IMMP2L: variants seen among roughly 807,000 people sequenced by gnomAD.
The protein encoded by IMMP2L is inner mitochondrial membrane peptidase subunit 2.
In IMMP2L, 18 loss-of-function variants were observed where a neutral mutation model predicts 19.3. The observed-to-expected ratio is 0.93, with a 90% CI of 0.64 to 1.38. The LOEUF (loss-of-function observed/expected upper bound fraction) is 1.38. Among genes scored for constraint, IMMP2L ranks in the 40% most tolerant of loss-of-function variants. IMMP2L has a pLI of 0.00. For missense variants in IMMP2L, 233 were observed against 218.2 expected, an observed-to-expected ratio of 1.07 and a Z score of -0.43; for synonymous variants, 76 against 73.0, an observed-to-expected ratio of 1.04 and a Z score of -0.21.
chr7:111,000,704 C>A (rs755690765), intron 3 of IMMP2L, among the ~76,000 whole-genome samples: 1 of 151,806 alleles, frequency 6.6e-6, no homozygotes, highest in Non-Finnish European at 1.5e-5. Context: ...AGTATTCTGG[C>A]GTGGTGGTGG....
Position 110,963,523 on chromosome 7 carries a change from A to C in IMMP2L, c.282T>G (p.Ile94Met), listed in dbSNP as rs1200493478. 1.9e-6 allele frequency: 3 copies of C among 1,603,688 alleles called. No individual in the cohort carries two copies. Among genetic ancestry groups the C allele is most frequent in the Non-Finnish European group, 2.6e-6 (3 of 1,172,782 alleles). The stretch of plus-strand genomic sequence containing the variant: ...ACCTGACAATATCTCCTTCAAGAGC[A>C]ATCACTCTCTTAATGATCTTCTGTT... ...NPEQKIIKRVIALEGDIVRTI... is the reference protein window; with the variant it reads ...NPEQKIIKRVMALEGDIVRTI... Residue 94 changes from isoleucine (I) to methionine (M), a missense_variant, in exon 4 of 6, where the codon ATT becomes ATG. Coordinates refer to ENST00000405709, the MANE Select transcript of IMMP2L (RefSeq NM_032549.4).
At chr7:110,988,674 C>G (rs974113053) in intron 3 of IMMP2L, among the ~76,000 whole-genome samples, 2 of 151,518 alleles carry the variant, frequency 1.3e-5, no homozygotes, top group Non-Finnish European at 2.9e-5. Flanking sequence ...TTTGCGTGTG[C>G]CATTAAAAAA....
At chr7:111,225,284 A>G (rs1423518200) in intron 3 of IMMP2L, among the ~76,000 whole-genome samples, 1 of 152,140 alleles carries the variant, frequency 6.6e-6, no homozygotes, top group Non-Finnish European at 1.5e-5. Flanking sequence ...TGTGACAGTT[A>G]TAAGAAAGCC....
intron 5 of IMMP2L, among the ~76,000 whole-genome samples, chr7:110,713,102 GGTTCA>G (rs1455958754): frequency 7.9e-5 from 12 of 152,126 alleles, no homozygotes; most frequent in Non-Finnish European, 1.5e-4. Context: ...GAAAGGTAAG[GGTTCA>G]GTTTCTTTCT....
intron 3 of IMMP2L, among the ~76,000 whole-genome samples, chr7:111,068,036 T>C (rs1794655962): frequency 6.6e-6 from 1 of 152,122 alleles, no homozygotes. Flanking sequence ...TGTGAAGCAT[T>C]AAATATAAAA....
chr7:111,109,019 A>C (rs1031856680), intron 3 of IMMP2L, among the ~76,000 whole-genome samples: 5 of 152,232 alleles, frequency 3.3e-5, no homozygotes, highest in Admixed American at 6.5e-5. Flanking sequence ...AGTAAGCAAT[A>C]AACAAAAAGC....
chr7:110,794,505 C>G (rs1800723739), intron 5 of IMMP2L, among the ~76,000 whole-genome samples: 1 of 152,060 alleles, frequency 6.6e-6, no homozygotes, highest in Non-Finnish European at 1.5e-5. Context: ...AAAAATGTAT[C>G]TTCCATTATT....
chr7:111,157,615 A>G (rs1026691747), intron 3 of IMMP2L, among the ~76,000 whole-genome samples: 1 of 152,090 alleles, frequency 6.6e-6, no homozygotes, highest in Admixed American at 6.6e-5. Context: ...TGGTTAATGG[A>G]CACAAAAATA....
chr7:111,475,455 C>A (rs1239157642), intron 3 of IMMP2L, among the ~76,000 whole-genome samples: 1 of 151,846 alleles, frequency 6.6e-6, no homozygotes, highest in Non-Finnish European at 1.5e-5. Context: ...TATCTACTGA[C>A]CTTGGATCAA....
intron 3 of IMMP2L, among the ~76,000 whole-genome samples, chr7:111,411,137 CA>C (rs1182908556): frequency 6.9e-6 from 1 of 144,916 alleles, no homozygotes; most frequent in Non-Finnish European, 1.5e-5. Flanking sequence ...TAAAAGTACC[CA>C]GAAAAAAAGG....
intron 5 of IMMP2L, among the ~76,000 whole-genome samples, chr7:110,807,018 C>T (rs1192411925): frequency 6.6e-6 from 1 of 152,000 alleles, no homozygotes; most frequent in South Asian, 2.1e-4. Flanking sequence ...GGATGTTGGA[C>T]CATAATGACC....
chr7:111,229,272 G>A (rs1813458643), intron 3 of IMMP2L, among the ~76,000 whole-genome samples: 1 of 151,696 alleles, frequency 6.6e-6, no homozygotes, highest in Non-Finnish European at 1.5e-5. Context: ...CCTTTGAAAG[G>A]AAATACCGAG....
chr7:110,944,537 G>C (rs761765110), intron 4 of IMMP2L, among the ~76,000 whole-genome samples: 1 of 151,860 alleles, frequency 6.6e-6, no homozygotes. Context: ...ATGTAGGCAG[G>C]GTCCTGAGGA....
intron 3 of IMMP2L, among the ~76,000 whole-genome samples, chr7:111,093,662 G>T (rs944602826): frequency 6.6e-6 from 1 of 152,102 alleles, no homozygotes; most frequent in Non-Finnish European, 1.5e-5. Context: ...GATCAGTAAT[G>T]TGCCCACTTC....
At chr7:111,511,684 C>A (rs1845460767) in intron 2 of IMMP2L, among the ~76,000 whole-genome samples, 1 of 151,158 alleles carries the variant, frequency 6.6e-6, no homozygotes, top group African/African-American at 2.4e-5. Flanking sequence ...GAAAAGCCTA[C>A]TCTCTCTAGC....
At chr7:110,945,857 G>A (rs1309671057) in intron 4 of IMMP2L, among the ~76,000 whole-genome samples, 1 of 152,160 alleles carries the variant, frequency 6.6e-6, no homozygotes, top group Non-Finnish European at 1.5e-5. Context: ...ACCATGGTGT[G>A]TTTTCCCACC....
At chr7:111,313,064 C>G (rs1037253626) in intron 3 of IMMP2L, among the ~76,000 whole-genome samples, 1 of 152,124 alleles carries the variant, frequency 6.6e-6, no homozygotes, top group African/African-American at 2.4e-5. Flanking sequence ...CCTGGAAAAA[C>G]TTCTACAGGT....
At chr7:111,069,293 C>A (rs886348444) in intron 3 of IMMP2L, among the ~76,000 whole-genome samples, 5 of 152,096 alleles carry the variant, frequency 3.3e-5, no homozygotes, top group African/African-American at 1.2e-4. Context: ...GGGCAAGCTG[C>A]AGTAGAAATG....
At chr7:110,843,559 A>G (rs564839771) in intron 5 of IMMP2L, among the ~76,000 whole-genome samples, 2 of 152,340 alleles carry the variant, frequency 1.3e-5, no homozygotes, top group South Asian at 2.1e-4. Context: ...CTCAGGCATC[A>G]TGCTGAAGAT....
Sources: gnomAD v4.1 joint callset for allele counts (sites outside exome capture counted in the v4.1 genomes callset) on GRCh38, gnomAD v4.1.1 for gene constraint, MANE v1.5 for transcripts, NCBI Gene and HGNC (gene_info 2026-07-23, HGNC 2026-07-21) for gene names.